The following SP110 variants were observed in gnomAD, a reference collection of about 807,000 sequenced individuals.
SP110 encodes SP110 nuclear body protein.
In SP110, 62 loss-of-function variants were observed where a neutral mutation model predicts 92.7. That is an observed-to-expected ratio of 0.67 (90% CI 0.55 to 0.83). The LOEUF is 0.83. Ranked by LOEUF, SP110 falls within the 40% of genes least tolerant of loss-of-function variation. The probability of loss-of-function intolerance (pLI) is 0.00; values close to 1 mark genes in which losing one functional copy is unlikely to be tolerated. For synonymous variants in SP110, 273 were observed against 305.3 expected (o/e 0.89, Z 1.10); for missense variants, 793 against 863.9 (o/e 0.92, Z 1.03).
At chr2:230,218,540 A>C (rs538360365) in intron 1 of SP110, among the ~76,000 whole-genome samples, 1 of 152,324 alleles carries the variant, frequency 6.6e-6, no homozygotes, top group Admixed American at 6.5e-5. Flanking sequence ...ACATATACTA[A>C]GAAGAGGAAG....
intron 3 of SP110, chr2:230,213,772 CA>C (rs1354224453): frequency 1.3e-5 from 2 of 152,798 alleles, no homozygotes; most frequent in Non-Finnish European, 2.9e-5. Flanking sequence ...TCAGCCAGGT[CA>C]GGGGCACATC....
At position 230,209,930 on chromosome 2, in the gene SP110, C is replaced by T. The variant is rs1393906401; in HGVS notation, c.829+1G>A. 2.5e-6 allele frequency: 4 copies of T among 1,588,168 alleles called. No individual in the cohort carries two copies. The highest frequency in any genetic ancestry group is 3.5e-6 in the Non-Finnish European group (4 of 1,156,370). On this transcript the variant is annotated splice_donor_variant, in intron 7 of 18. Coordinates refer to ENST00000258381, the MANE Select transcript of SP110 (RefSeq NM_080424.4). LOFTEE classifies it high-confidence loss of function. ...CTCTACAGAAGAAAGGCTTTTCTTA[C>T]CTTTCTTGTCTGAAGGTGTGCTGGA...
At chr2:230,218,490 AG>A (rs1296534713) in intron 1 of SP110, among the ~76,000 whole-genome samples, 2 of 152,246 alleles carry the variant, frequency 1.3e-5, no homozygotes, top group African/African-American at 4.8e-5. Flanking sequence ...GGAAGGAGAT[AG>A]TGCAAAGATC....
chr2:230,221,756 C>A, upstream of SP110: 1 of 1,535,004 alleles, frequency 6.5e-7, no homozygotes, highest in South Asian at 1.2e-5. Flanking sequence ...ATCTGAGGAT[C>A]CTGGCAGCAA....
At position 230,186,112 on chromosome 2, in the gene SP110, C is replaced by T; in HGVS notation, c.1161G>A (p.Glu387=). The change falls in exon 11 of 19, where the codon GAG becomes GAA. Residue 387 remains glutamate, a synonymous_variant. Transcript: ENST00000258381. ...TCACCTTATCCACCACTTGGAGCTT[C>T]TCTTGGATGCCATGCCCAGGTGAGG... ...GAASPGHGIQ[E]KLQVVDKVTQ... 1 of 1,614,134 alleles carries T rather than the reference C, an allele frequency of 6.2e-7. No individual in the cohort carries two copies.
intron 7 of SP110, among the ~76,000 whole-genome samples, chr2:230,208,837 T>C (rs560119951): frequency 5.9e-5 from 9 of 151,866 alleles, no homozygotes; most frequent in Non-Finnish European, 1.0e-4. Flanking sequence ...TGCCAGAGAG[T>C]TCTAGGAAAA....
At chr2:230,208,151 AC>A in intron 7 of SP110, 92 bp from the exon 8 acceptor site, 1 of 768,486 alleles carries the variant, frequency 1.3e-6, no homozygotes, top group Non-Finnish European at 2.2e-6. Context: ...TGGTCTTCAA[AC>A]CACATTGCTA....
chr2:230,204,343 G>A (rs146067542), intron 8 of SP110, among the ~76,000 whole-genome samples: 2 of 152,278 alleles, frequency 1.3e-5, no homozygotes, highest in Non-Finnish European at 2.9e-5. Context: ...ATAACGTGTA[G>A]AGCATTGTGA....
Position 230,212,891 on chromosome 2 carries a change from G to C in SP110, c.453C>G (p.Pro151=), listed in dbSNP as rs766060249. 6.2e-7 allele frequency: 1 copy of C among 1,614,170 alleles called. No homozygotes were observed. The highest frequency in any genetic ancestry group is 1.7e-5 in the Admixed American group (1 of 60,030). Residue 151 remains proline, a synonymous_variant, in exon 4 of 19, where the codon CCC becomes CCG. Transcript: ENST00000258381. ...PPQPPQPSCS[P]CAPRVSEPGT... ...CAGGCTCACTGACTCTTGGCGCACA[G>C]GGTGAACAGCTTGGTTGAGGGGGTT...
chr2:230,194,065 G>A (rs932371664), intron 10 of SP110, among the ~76,000 whole-genome samples: 7 of 152,070 alleles, frequency 4.6e-5, no homozygotes, highest in African/African-American at 1.7e-4. Context: ...GGCCAGGGAG[G>A]GGAAGTGCAA....
chr2:230,189,564 A>C (rs944119879), intron 10 of SP110, among the ~76,000 whole-genome samples: 4 of 152,090 alleles, frequency 2.6e-5, no homozygotes, highest in Admixed American at 1.3e-4. Context: ...ATATAATTTC[A>C]ATTTTTTTCT....
intron 14 of SP110, 26 bp downstream of exon 14, chr2:230,177,512 A>C (rs2041918773): frequency 6.2e-7 from 1 of 1,612,326 alleles, no homozygotes; most frequent in Non-Finnish European, 8.5e-7. Context: ...TAAACCTGTC[A>C]CCTATCTGTC....
At chr2:230,179,051 TAGG>T (rs1362494241) in intron 12 of SP110, among the ~76,000 whole-genome samples, 1 of 152,186 alleles carries the variant, frequency 6.6e-6, no homozygotes, top group Non-Finnish European at 1.5e-5. Flanking sequence ...AAAATGAATC[TAGG>T]AGAACACCTG....
intron 2 of SP110, among the ~76,000 whole-genome samples, chr2:230,215,680 T>C (rs942050575): frequency 2.6e-5 from 4 of 152,322 alleles, no homozygotes; most frequent in African/African-American, 4.8e-5. Context: ...CAAATAATTA[T>C]TGAACATCTA....
chr2:230,185,301 A>G (rs967040976), intron 11 of SP110, among the ~76,000 whole-genome samples: 26 of 152,218 alleles, frequency 1.7e-4, no homozygotes, highest in African/African-American at 6.3e-4. Context: ...TCCTGAGTCC[A>G]CAGGCAGGGC....
At chr2:230,220,959 CTA>C (rs1429591646), upstream of SP110, among the ~76,000 whole-genome samples, 1 of 152,044 alleles carries the variant, frequency 6.6e-6, no homozygotes, top group Admixed American at 6.6e-5. Context: ...CTGCGGTGAG[CTA>C]TGATTGCACC....
In SP110 at chr2:230,207,959, G is replaced by C. The variant is rs41309104; in HGVS notation, c.898+32C>G. ...ACAAGCCCTGCATGAGCTGTTTCCA[G>C]CCTCCAGCTTCCTCTTGTACTCTCA... On this transcript the variant is annotated intron_variant, in intron 8 of 18. Coordinates refer to ENST00000258381, the MANE Select transcript of SP110 (RefSeq NM_080424.4). 7.9e-4 allele frequency: 881 copies of C among 1,121,672 alleles called. 2 individuals are homozygous for C. Among genetic ancestry groups the C allele is most frequent in the Non-Finnish European group, 1.1e-3 (810 of 740,096 alleles). 69.5% of individuals were successfully genotyped at this position (1,121,672 alleles called of 1,614,324 possible).
Position 230,171,760 on chromosome 2 carries a change from T to C in SP110, c.1823A>G (p.Glu608Gly). ...ACAGTAGGCCTTCAAGAGGAGGAAC[T>C]CACATTTCTGTAAAATGTGAAGAGG... ...QMQPQDQLKCEFLLLKAYCHP... is the reference protein window; with the variant it reads ...QMQPQDQLKCGFLLLKAYCHP... The change falls in exon 17 of 19, where the codon GAG becomes GGG. Residue 608 changes from glutamate to glycine, a missense_variant. Glu to Gly is a moderately conservative substitution (Grantham distance 98, BLOSUM62 -2). Coordinates refer to ENST00000258381, the MANE Select transcript of SP110 (RefSeq NM_080424.4). The C allele has an allele frequency of 6.2e-7, 1 of 1,611,964 alleles. No individual in the cohort carries two copies.
chr2:230,202,819 CT>C (rs1345786555), intron 8 of SP110, 91 bp from the exon 9 acceptor site: 4 of 1,163,768 alleles, frequency 3.4e-6, no homozygotes, highest in African/African-American at 3.0e-5. Context: ...TCTCATGCCC[CT>C]AACTCCCACT....
Sources: gnomAD v4.1 joint callset for allele counts (sites outside exome capture counted in the v4.1 genomes callset) on GRCh38, gnomAD v4.1.1 for gene constraint, MANE v1.5 for transcripts, NCBI Gene and HGNC (gene_info 2026-07-23, HGNC 2026-07-21) for gene names.